Variants in CLUH observed in about 807,000 individuals in gnomAD.
CLUH encodes CLUH binding protein of NUMT mRNA, also known as clustered mitochondria protein homolog.
CLUH carries 77 observed loss-of-function variants against 139.3 expected under a neutral mutation model. The observed-to-expected ratio is 0.55, with a 90% CI of 0.46 to 0.67. The LOEUF (loss-of-function observed/expected upper bound fraction) is 0.67. Ranked by LOEUF, CLUH falls within the 30% of genes least tolerant of loss-of-function variation. The pLI is 0.00. For synonymous variants in CLUH, 999 were observed against 801.6 expected, an observed-to-expected ratio of 1.25 and a Z score of -4.16; for missense variants, 1,876 against 1,875.8, an observed-to-expected ratio of 1.00 and a Z score of 0.00.
chr17:2,707,532 G>A lies in CLUH; in HGVS notation c.101-2968C>T. ...CACCTCCCTATGCCCCCTAGAGAGG[G>A]GGTCACTGCCGGCAAAGCCGCTAGG... On this transcript the variant is annotated intron_variant, in intron 1 of 25. Transcript: ENST00000651024. This position sits in a 1 kb window ranked among gnomAD's most constrained non-coding sequence, Gnocchi z 7.4. The A allele has an allele frequency of 2.0e-6, 2 of 985,396 alleles. No homozygotes were observed. Among genetic ancestry groups the A allele is most frequent in the South Asian group, 9.4e-5 (2 of 21,284 alleles). The allele number at this position is 985,396 out of a possible 1,614,324, so 61.0% of individuals were successfully genotyped here. A position where few individuals can be genotyped will look rare whatever the true frequency, so the allele number is the denominator to read the frequency against.
At chr17:2,701,770 G>T (rs773027795) in intron 4 of CLUH, 33 bp from the exon 5 acceptor site, 1 of 1,555,714 alleles carries the variant, frequency 6.4e-7, no homozygotes, top group African/African-American at 1.4e-5. Context: ...TCAGCACAGG[G>T]CCACCCAGGG....
chr17:2,690,199 CGTCACCCACTCAGGA>C lies in CLUH; in HGVS notation c.*380_*394del, dbSNP rs376562074. ...AATGACCTGAGAAATCCCGTCTGCG[CGTCACCCACTCAGGA>C]GTCACCCACTCAGGACTGGCTCGGG... is the stretch of plus-strand genomic sequence containing the variant. On this transcript the variant is annotated 3_prime_UTR_variant, in exon 26 of 26. Transcript: ENST00000651024. 1.3e-4 allele frequency: 26 copies of C among 196,876 alleles called. No individual in the cohort carries two copies. The highest frequency in any genetic ancestry group is 1.1e-3 in the East Asian group (9 of 8,494). The allele number at this position is 196,876 out of a possible 1,614,324, so 12.2% of individuals were successfully genotyped here.
intron 9 of CLUH, among the ~76,000 whole-genome samples, chr17:2,698,982 G>A (rs1242516855): frequency 6.6e-6 from 1 of 152,152 alleles, no homozygotes; most frequent in Non-Finnish European, 1.5e-5. Context: ...GGGAGGTGGA[G>A]GTTACAGTGA....
At chr17:2,695,306 T>C (rs1567583090) in intron 14 of CLUH, 26 bp from the exon 15 acceptor site, 8 of 1,613,642 alleles carry the variant, frequency 5.0e-6, no homozygotes, top group Middle Eastern at 1.6e-4. Context: ...AGGGAGGTCT[T>C]GGTCAGGCCC....
chr17:2,691,512 G>A (rs2069631818), intron 25 of CLUH, 97 bp downstream of exon 25: 5 of 1,243,150 alleles, frequency 4.0e-6, no homozygotes, highest in East Asian at 2.5e-5. Context: ...AGTGAGCCGG[G>A]ATGGCGCCGC....
At position 2,692,835 on chromosome 17, in the gene CLUH, A is replaced by G; in HGVS notation, c.3257T>C (p.Val1086Ala). The change falls in exon 20 of 26, where the codon GTG becomes GCG. Residue 1086 changes from valine (V) to alanine (A), a missense_variant. Val to Ala is a moderately conservative substitution (Grantham distance 64). Around this residue, in one of 3 missense-constraint regions of CLUH, gnomAD observed 1,454 missense variants for 1,384.4 expected, o/e 1.05. Transcript: ENST00000651024. ...AEALSNQQKA[V>A]LMSERVMGTE... ...GCCCATCACCCGCTCGCTCATCAGCACCGCCTTCTGCTGGTTACTCAGGGC... is the reference window on the plus strand; with the variant it reads ...GCCCATCACCCGCTCGCTCATCAGCGCCGCCTTCTGCTGGTTACTCAGGGC... 2 of 1,602,268 alleles carry G rather than the reference A, an allele frequency of 1.2e-6. No individual in the cohort carries two copies. The highest frequency in any genetic ancestry group is 1.7e-5 in the Admixed American group (1 of 59,270).
intron 7 of CLUH, 37 bp from the exon 8 acceptor site, chr17:2,700,862 A>G: frequency 6.6e-7 from 1 of 1,506,030 alleles, no homozygotes; most frequent in Non-Finnish European, 8.8e-7. Context: ...GGGGCAGCCC[A>G]CCAAGCTCAG....
rs746695197 is a variant in CLUH at position 2,691,976 on chromosome 17, CCGCCCCCGCCA to C, written c.3654+17_3654+27del. The C allele has an allele frequency of 0.076, 41,323 of 544,104 alleles. 2,272 individuals carry two copies. Among genetic ancestry groups the C allele is most frequent in the Middle Eastern group, 0.16 (175 of 1,104 alleles). 33.7% of individuals were successfully genotyped at this position (544,104 alleles called of 1,614,324 possible). A position where few individuals can be genotyped will look rare whatever the true frequency, so the allele number is the denominator to read the frequency against. ...GCCCCGCCACGCCCCCGCCCCGCCC[CCGCCCCCGCCA>C]CGCCCCCGCCGCGCACCTGCGTCTT... On this transcript the variant is annotated intron_variant, in intron 23 of 25. Coordinates refer to ENST00000651024, the MANE Select transcript of CLUH (RefSeq NM_001366661.1).
In CLUH at chr17:2,690,675, C is replaced by T. The variant is rs761501031; in HGVS notation, c.3966G>A (p.Glu1322=). ...RDRAEEPMAT[E]PAPAGAPGDL... is the part of the protein sequence containing the mutation. ...CTCCTGGGGCCCCCGCTGGCGCGGG[C>T]TCGGTAGCCATGGGCTCCTCGGCTC... The change falls in exon 26 of 26, where the codon GAG becomes GAA. Residue 1322 remains glutamate, a synonymous_variant. Coordinates refer to ENST00000651024, the MANE Select transcript of CLUH (RefSeq NM_001366661.1). 3.8e-6 allele frequency: 6 copies of T among 1,561,176 alleles called. No homozygotes were observed. The highest frequency in any genetic ancestry group is 5.2e-6 in the Non-Finnish European group (6 of 1,160,508).
intron 1 of CLUH, among the ~76,000 whole-genome samples, chr17:2,709,013 C>T (rs2070435573): frequency 6.6e-6 from 1 of 152,208 alleles, no homozygotes; most frequent in African/African-American, 2.4e-5. Context: ...AGCGGGAGAG[C>T]CGTGCCCCAA....
intron 17 of CLUH, 52 bp downstream of exon 17, chr17:2,694,428 C>T (rs564351358): frequency 4.5e-4 from 315 of 697,380 alleles, no homozygotes; most frequent in African/African-American, 2.9e-3. Context: ...GCAGCAGGGA[C>T]GCAGCGGGGA....
At chr17:2,700,521 T>C (rs1424903334) in intron 8 of CLUH, 47 bp from the exon 9 acceptor site, 1 of 1,583,666 alleles carries the variant, frequency 6.3e-7, no homozygotes, top group African/African-American at 1.3e-5. Flanking sequence ...CTGTGCCCTG[T>C]GACCTGCTCC....
rs762746977 is a variant in CLUH, at chr17:2,690,794, G to C, written c.3864-17C>G. On this transcript the variant is annotated splice_polypyrimidine_tract_variant and intron_variant, in intron 25 of 25. Transcript: ENST00000651024. ...TCTTTTTGGCTGAGGATAAGGGTGG[G>C]GATGGAGGTGGCTCTCAGAGGAGTC... The C allele has an allele frequency of 1.8e-5, 27 of 1,470,322 alleles. No individual in the cohort carries two copies. In the South Asian group the frequency reaches 2.4e-4, roughly 13 times the overall value. 91.1% of individuals were successfully genotyped at this position (1,470,322 alleles called of 1,614,324 possible). A position where few individuals can be genotyped will look rare whatever the true frequency, so the allele number is the denominator to read the frequency against.
At chr17:2,700,633 GGAGGGCAGGGGTGCCCAGC>G (rs753535279) in intron 8 of CLUH, 26 bp downstream of exon 8, 15 of 1,516,228 alleles carry the variant, frequency 9.9e-6, no homozygotes, top group East Asian at 4.5e-5. Flanking sequence ...CCAGCACCCA[GGAGGGCAGGGGTGCCCAGC>G]GAGGGCAGGG....
intron 24 of CLUH, 36 bp from the exon 25 acceptor site, chr17:2,691,718 C>T: frequency 1.2e-6 from 2 of 1,604,428 alleles, no homozygotes; most frequent in Non-Finnish European, 1.7e-6. Context: ...AGCGGGGCTC[C>T]CGCGCTCGCC....
rs1292158363 is a variant in CLUH, at chr17:2,691,930, T to TGCCCCCGCGGCCCC, written c.3655-49_3655-36dup. 93 of 1,106,286 alleles carry TGCCCCCGCGGCCCC rather than the reference T, an allele frequency of 8.4e-5. No homozygotes were observed. In the African/African-American group the frequency reaches 1.9e-3, roughly 23 times the overall value. The allele number at this position is 1,106,286 out of a possible 1,614,324, so 68.5% of individuals were successfully genotyped here. On this transcript the variant is annotated intron_variant, in intron 23 of 25. Coordinates refer to ENST00000651024, the MANE Select transcript of CLUH (RefSeq NM_001366661.1). ...GGCGGGAAGGGATCAGGCCCCCCCG[T>TGCCCCCGCGGCCCC]GCCCCCGCGGCCCCGCCCCCGCCCC... is the stretch of plus-strand genomic sequence containing the variant.
At position 2,691,875 on chromosome 17, in the gene CLUH, C is replaced by A. The variant is rs940529549; in HGVS notation, c.3675G>T (p.Lys1225Asn). 6.5e-7 allele frequency: 1 copy of A among 1,542,128 alleles called. No individual in the cohort carries two copies. Among genetic ancestry groups the A allele is most frequent in the African/African-American group, 1.4e-5 (1 of 72,726 alleles). The change falls in exon 24 of 26, where the codon AAG (lysine) becomes AAT (asparagine). Residue 1225 changes from lysine to asparagine, a missense_variant. By Grantham distance (94) the Lys-to-Asn change is moderately conservative. This residue lies in a region of CLUH where 1,454 missense variants were observed against 1,384.4 expected (regional missense o/e 1.05). Transcript: ENST00000651024. ...TGAGGTACTCGGAGCTTTCCTTGGT[C>A]TTCTCATGGTCCTCGCCCAGCTGCG... ...YKTQLGEDHE[K>N]TKESSEYLKC...
Position 2,704,703 on chromosome 17 carries a change from C to T in CLUH, c.101-139G>A, listed in dbSNP as rs767647203. 73 of 813,710 alleles carry T rather than the reference C, an allele frequency of 9.0e-5. No individual in the cohort carries two copies. Among genetic ancestry groups the T allele is most frequent in the Non-Finnish European group, 1.2e-4 (64 of 528,730 alleles). The allele number at this position is 813,710 out of a possible 1,614,324, so 50.4% of individuals were successfully genotyped here. On this transcript the variant is annotated intron_variant, in intron 1 of 25. Coordinates refer to ENST00000651024, the MANE Select transcript of CLUH (RefSeq NM_001366661.1). This position sits in a 1 kb window ranked among gnomAD's most constrained non-coding sequence, Gnocchi z 5.7. ...GAGTCCCAGCCTCACGGTCGCGCCTCGCCCTCCGTGCACCTGCAGGCCACT... is the reference window on the plus strand; with the variant it reads ...GAGTCCCAGCCTCACGGTCGCGCCTTGCCCTCCGTGCACCTGCAGGCCACT...
rs752867461 is a variant in CLUH at position 2,696,821 on chromosome 17, G to T, written c.2083C>A (p.Pro695Thr). The T allele has an allele frequency of 5.6e-6, 9 of 1,613,560 alleles. No individual in the cohort carries two copies. In the South Asian group the frequency reaches 9.9e-5, roughly 18 times the overall value. The change falls in exon 11 of 26, where the codon CCT (proline) becomes ACT (threonine). Residue 695 changes from proline (P) to threonine (T), a missense_variant. Pro to Thr is a conservative substitution (Grantham distance 38). Transcript: ENST00000651024. ...TCACTTCCCGCCTCCTGTCCTGGAG[G>T]ATCCTCAGACTTGGACTCCAAGGAG... ...PSSLESKSED[P>T]PGQEAGSEEE...
Sources: gnomAD v4.1 joint callset for allele counts (sites outside exome capture counted in the v4.1 genomes callset) on GRCh38, gnomAD v4.1.1 for gene constraint, gnomAD v4.1.1 regional missense constraint, Gnocchi (gnomAD v3.1) non-coding constraint, MANE v1.5 for transcripts, NCBI Gene and HGNC (gene_info 2026-07-23, HGNC 2026-07-21) for gene names.